Variants in UBE3A observed in about 807,000 individuals in gnomAD.
UBE3A encodes ubiquitin protein ligase E3A.
Under a neutral mutation model 83.4 loss-of-function variants are expected in UBE3A, and 6 were observed. The ratio of observed to expected loss-of-function variants is 0.07; its 90% CI spans 0.04 to 0.14. UBE3A has a LOEUF of 0.14. UBE3A is among the 10% of genes least tolerant of loss of function. The pLI, the probability that UBE3A is intolerant of heterozygous loss-of-function variation, is 1.00. For synonymous variants in UBE3A, 337 were observed against 355.4 expected (o/e 0.95, Z 0.58); for missense variants, 456 against 1,036.1 (o/e 0.44, Z 7.69).
rs892696275 is a variant in UBE3A at position 25,339,904 on chromosome 15, A to T, written c.2498+181T>A. The T allele has an allele frequency of 7.8e-6, 6 of 773,904 alleles. No homozygotes were observed. In the East Asian group the frequency reaches 1.7e-4, roughly 22 times the overall value. The allele number at this position is 773,904 out of a possible 1,614,324, so 47.9% of individuals were successfully genotyped here. A position where few individuals can be genotyped will look rare whatever the true frequency, so the allele number is the denominator to read the frequency against. ...CCCATAATAATTTTTAACTAGGGCA[A>T]TTTCTTAAAAGTTTCCTCACACAAT... On this transcript the variant is annotated intron_variant, in intron 12 of 12. Transcript: ENST00000648336.
chr15:25,389,138 A>C (rs2083740315), intron 4 of UBE3A, among the ~76,000 whole-genome samples: 1 of 152,180 alleles, frequency 6.6e-6, no homozygotes, highest in Non-Finnish European at 1.5e-5. Flanking sequence ...CAGAATAGAG[A>C]GCCCAGAAAT....
At chr15:25,367,254 TTTG>T (rs1427041826) in intron 6 of UBE3A, among the ~76,000 whole-genome samples, 123 of 81,128 alleles carry the variant, frequency 1.5e-3, no homozygotes, top group South Asian at 4.9e-3. Flanking sequence ...TATTTGCATA[TTTG>T]TAAATATGTA....
intron 4 of UBE3A, among the ~76,000 whole-genome samples, chr15:25,397,852 T>C (rs1177922405): frequency 1.3e-5 from 2 of 152,096 alleles, no homozygotes; most frequent in Non-Finnish European, 2.9e-5. Flanking sequence ...TCTATCCCAA[T>C]ACTCTAGGCC....
At chr15:25,402,569 T>C (rs2153033966) in intron 4 of UBE3A, among the ~76,000 whole-genome samples, 1 of 152,224 alleles carries the variant, frequency 6.6e-6, no homozygotes, top group East Asian at 1.9e-4. Flanking sequence ...GCCTCCAAGC[T>C]TGGTTTGTGG....
At chr15:25,417,580 A>G (rs746558220) in intron 1 of UBE3A, among the ~76,000 whole-genome samples, 2 of 152,154 alleles carry the variant, frequency 1.3e-5, no homozygotes, top group Non-Finnish European at 2.9e-5. Context: ...AATATGCTCA[A>G]GAATTCAAAA....
chr15:25,355,404 A>T (rs1158628503), intron 9 of UBE3A, among the ~76,000 whole-genome samples: 1 of 152,208 alleles, frequency 6.6e-6, no homozygotes, highest in Non-Finnish European at 1.5e-5. Context: ...TATATTTGTC[A>T]TAATTTTTTG....
intron 11 of UBE3A, chr15:25,347,135 CTTGG>C (rs2075809400): frequency 6.6e-6 from 1 of 152,122 alleles, no homozygotes; most frequent in Non-Finnish European, 1.5e-5. Flanking sequence ...AAGATGGAAT[CTTGG>C]AAAAAATAAT....
chr15:25,360,630 TG>T, intron 6 of UBE3A, 103 bp from the exon 7 acceptor site: 1 of 1,396,578 alleles, frequency 7.2e-7, no homozygotes, highest in South Asian at 1.3e-5. Flanking sequence ...TACAAATTTT[TG>T]ACTTTTTGTA....
At chr15:25,433,109 G>C (rs1388026591) in intron 1 of UBE3A, among the ~76,000 whole-genome samples, 1 of 151,664 alleles carries the variant, frequency 6.6e-6, no homozygotes, top group Non-Finnish European at 1.5e-5. Flanking sequence ...AAACTATTAA[G>C]ATCCATTGTC....
chr15:25,392,982 G>A (rs548285943), intron 4 of UBE3A, among the ~76,000 whole-genome samples: 7 of 152,184 alleles, frequency 4.6e-5, no homozygotes, highest in East Asian at 1.9e-4. Flanking sequence ...GCACTCTTCC[G>A]GAAGATTCGT....
intron 6 of UBE3A, among the ~76,000 whole-genome samples, chr15:25,364,646 T>TTTTTTTTTTTTTTTTTTTTTTG (rs2078744475): frequency 1.2e-5 from 1 of 80,618 alleles, no homozygotes. Context: ...TTTTTGTTTG[T>TTTTTTTTTTTTTTTTTTTTTTG]TTTTTTTTTT....
At chr15:25,365,292 G>A (rs975867356) in intron 6 of UBE3A, among the ~76,000 whole-genome samples, 2 of 151,900 alleles carry the variant, frequency 1.3e-5, no homozygotes, top group African/African-American at 2.4e-5. Context: ...GGAATCAAAA[G>A]GAAAACCTTA....
chr15:25,425,130 G>C (rs547678939), intron 1 of UBE3A, among the ~76,000 whole-genome samples: 1 of 152,042 alleles, frequency 6.6e-6, no homozygotes, highest in Admixed American at 6.6e-5. Flanking sequence ...TCAAGAGTGT[G>C]TGTTACCCAA....
At chr15:25,367,198 CATATTTGTAAATATGTAAATATTT>C (rs1566940461) in intron 6 of UBE3A, among the ~76,000 whole-genome samples, 5,629 of 108,958 alleles carry the variant, frequency 0.052, 400 homozygotes, top group African/African-American at 0.25. Context: ...TAAATATTTA[CATATTTGTAAATATGTAAATATTT>C]ACATATTTGT....
At chr15:25,344,902 G>A (rs948660277) in intron 11 of UBE3A, among the ~76,000 whole-genome samples, 1 of 152,230 alleles carries the variant, frequency 6.6e-6, no homozygotes. Flanking sequence ...AAAATCAGGT[G>A]AAGGGCAGGT....
At position 25,336,984 on chromosome 15, in the gene UBE3A, C is replaced by T. The variant is rs1489545014; in HGVS notation, c.*2153G>A. 1 of 152,004 alleles carries T rather than the reference C, an allele frequency of 6.6e-6. No individual in the cohort carries two copies. Among genetic ancestry groups the T allele is most frequent in the African/African-American group, 2.4e-5 (1 of 41,386 alleles). The allele number at this position is 152,004 out of a possible 1,614,324, so 9.4% of individuals were successfully genotyped here. A position where few individuals can be genotyped will look rare whatever the true frequency, so the allele number is the denominator to read the frequency against. ...CCATTAAATAGTAATGAAAAGGCAG[C>T]AAAAGTAAGAGGAGTGACAACATGC... is the stretch of plus-strand genomic sequence containing the variant. On this transcript the variant is annotated 3_prime_UTR_variant, in exon 13 of 13. Transcript: ENST00000648336.
intron 1 of UBE3A, among the ~76,000 whole-genome samples, chr15:25,422,623 A>C (rs1162007733): frequency 1.3e-5 from 2 of 152,142 alleles, no homozygotes; most frequent in Non-Finnish European, 2.9e-5. Context: ...CTGAATGCTC[A>C]TATCTAACTT....
intron 11 of UBE3A, among the ~76,000 whole-genome samples, chr15:25,352,939 A>G (rs2076716954): frequency 6.6e-6 from 1 of 152,222 alleles, no homozygotes; most frequent in Non-Finnish European, 1.5e-5. Context: ...ATGTTGTTAT[A>G]AAAAGCTAGA....
At chr15:25,341,277 A>G (rs1011204999) in intron 11 of UBE3A, among the ~76,000 whole-genome samples, 12 of 151,662 alleles carry the variant, frequency 7.9e-5, no homozygotes, top group South Asian at 2.1e-4. Flanking sequence ...TCACCATGTT[A>G]GCCAGGATGG....
Sources: allele counts gnomAD v4.1 joint callset (sites outside exome capture counted in the v4.1 genomes callset), GRCh38; gene constraint gnomAD v4.1.1; transcripts MANE v1.5; gene names NCBI Gene and HGNC (gene_info 2026-07-23, HGNC 2026-07-21).